WWOX: variants seen among roughly 807,000 people sequenced by gnomAD.
WWOX encodes the protein WW domain-containing oxidoreductase.
Under a neutral mutation model 46.2 loss-of-function variants are expected in WWOX, and 69 were observed. That is an observed-to-expected ratio of 1.49 (90% confidence interval 1.23 to 1.82). The LOEUF is 1.82. Among genes scored for constraint, WWOX ranks in the 40% most tolerant of loss-of-function variants. WWOX has a pLI of 0.00. For missense variants in WWOX, 919 were observed against 542.6 expected (o/e 1.69, Z -6.89); for synonymous variants, 359 against 202.6 (o/e 1.77, Z -6.56).
intron 8 of WWOX, among the ~76,000 whole-genome samples, chr16:78,617,887 C>T (rs181860199): frequency 3.0e-4 from 46 of 152,254 alleles, no homozygotes; most frequent in Non-Finnish European, 4.9e-4. Flanking sequence ...TCTATCTTTG[C>T]CTAGCATCTT....
intron 7 of WWOX, 148 bp downstream of exon 7, chr16:78,425,203 C>T (rs2151960203): frequency 1.9e-6 from 2 of 1,065,276 alleles, no homozygotes; most frequent in Admixed American, 2.1e-5. Flanking sequence ...TTTTCCAGGT[C>T]TTTTTTGTTC....
chr16:78,869,561 G>A (rs1555554008), intron 8 of WWOX, among the ~76,000 whole-genome samples: 1 of 152,188 alleles, frequency 6.6e-6, no homozygotes, highest in South Asian at 2.1e-4. Context: ...TGAAACAGCC[G>A]ATTGAAGTGC....
chr16:78,436,157 T>A (rs923275158), intron 8 of WWOX, among the ~76,000 whole-genome samples: 2 of 148,170 alleles, frequency 1.3e-5, no homozygotes, highest in Non-Finnish European at 1.5e-5. Context: ...ACTCTTGTCG[T>A]TGTGAGCAGT....
intron 8 of WWOX, among the ~76,000 whole-genome samples, chr16:78,875,912 A>G (rs2044225054): frequency 6.6e-6 from 1 of 152,148 alleles, no homozygotes; most frequent in Admixed American, 6.5e-5. Context: ...TTCTCCTGAT[A>G]CCATTTAGCC....
intron 8 of WWOX, among the ~76,000 whole-genome samples, chr16:78,774,407 A>C (rs1028210559): frequency 3.3e-5 from 5 of 152,168 alleles, no homozygotes; most frequent in African/African-American, 1.2e-4. Flanking sequence ...CTCAAAAAAA[A>C]AGAAAGAGTT....
intron 8 of WWOX, among the ~76,000 whole-genome samples, chr16:78,776,951 C>G (rs531568361): frequency 6.6e-6 from 1 of 152,132 alleles, no homozygotes; most frequent in Non-Finnish European, 1.5e-5. Flanking sequence ...TATTACAATT[C>G]GAGATGAGAT....
rs202225216 is a variant in WWOX at position 78,334,917 on chromosome 16, CT to C, written c.517-51936del. 4.1e-3 allele frequency among the ~76,000 whole-genome samples: 447 copies of C among 109,844 alleles called. 3 individuals carry two copies. Among genetic ancestry groups the C allele is most frequent in the African/African-American group, 0.016 (340 of 21,832 alleles). The allele number at this position is 109,844 out of a possible 152,430, so 72.1% of individuals were successfully genotyped here. A position where few individuals can be genotyped will look rare whatever the true frequency, so the allele number is the denominator to read the frequency against. On this transcript the variant is annotated intron_variant, in intron 5 of 8. Transcript: ENST00000566780. Reference sequence around the variant, plus strand: ...ATTAAACTCATTGAGGAGATACCATCTTTTTTTAAAAAAAAAAAAAAGGCAG... The same window carrying C: ...ATTAAACTCATTGAGGAGATACCATCTTTTTTAAAAAAAAAAAAAAGGCAG...
At chr16:78,504,676 A>G (rs775507819) in intron 8 of WWOX, among the ~76,000 whole-genome samples, 25 of 152,242 alleles carry the variant, frequency 1.6e-4, no homozygotes, top group Non-Finnish European at 2.6e-4. Flanking sequence ...ATCTCTGTGC[A>G]TCGGGGAGGA....
At chr16:78,291,143 T>C (rs2079850690) in intron 5 of WWOX, among the ~76,000 whole-genome samples, 1 of 152,224 alleles carries the variant, frequency 6.6e-6, no homozygotes, top group Non-Finnish European at 1.5e-5. Flanking sequence ...TTAATCTGAT[T>C]TCATCAAGTA....
At chr16:78,246,662 C>T (rs2037824444) in intron 5 of WWOX, among the ~76,000 whole-genome samples, 1 of 152,178 alleles carries the variant, frequency 6.6e-6, no homozygotes, top group Admixed American at 6.5e-5. Flanking sequence ...ATGGAAAAGG[C>T]TTTGCTTTTA....
intron 8 of WWOX, among the ~76,000 whole-genome samples, chr16:79,031,607 G>C (rs1373063370): frequency 6.6e-6 from 1 of 151,458 alleles, no homozygotes; most frequent in African/African-American, 2.4e-5. Flanking sequence ...CCTTTGTTTT[G>C]TCTTTATTTA....
At chr16:78,278,789 T>C (rs933609479) in intron 5 of WWOX, 1 of 815,758 alleles carries the variant, frequency 1.2e-6, no homozygotes, top group Admixed American at 2.6e-5. Flanking sequence ...TGCAACAACA[T>C]CTATTATATG....
chr16:78,916,791 G>C (rs1297777743), intron 8 of WWOX, among the ~76,000 whole-genome samples: 1 of 152,188 alleles, frequency 6.6e-6, no homozygotes, highest in Non-Finnish European at 1.5e-5. Context: ...CCCAGGGTCA[G>C]GAAAACTGTT....
intron 8 of WWOX, among the ~76,000 whole-genome samples, chr16:78,708,532 C>T (rs990303101): frequency 6.6e-6 from 1 of 152,142 alleles, no homozygotes; most frequent in East Asian, 1.9e-4. Context: ...TTTGCATACT[C>T]TGTTGCTTAT....
chr16:78,867,184 A>C (rs2044022293), intron 8 of WWOX, among the ~76,000 whole-genome samples: 2 of 152,192 alleles, frequency 1.3e-5, no homozygotes, highest in Non-Finnish European at 2.9e-5. Context: ...ACAAAACTGC[A>C]ACTCATCTTC....
chr16:78,106,822 T>C (rs1013106938), intron 1 of WWOX, among the ~76,000 whole-genome samples: 4 of 152,212 alleles, frequency 2.6e-5, no homozygotes, highest in African/African-American at 9.7e-5. Context: ...TTAATCGTTC[T>C]CCAAGCACTG....
intron 8 of WWOX, among the ~76,000 whole-genome samples, chr16:78,881,073 C>T (rs1005418521): frequency 6.7e-6 from 1 of 149,054 alleles, no homozygotes; most frequent in African/African-American, 2.5e-5. Flanking sequence ...CTCACTGCAA[C>T]CTTTGCCTCC....
intron 8 of WWOX, among the ~76,000 whole-genome samples, chr16:79,209,892 A>C (rs1352521833): frequency 6.6e-6 from 1 of 152,258 alleles, no homozygotes; most frequent in Admixed American, 6.5e-5. Flanking sequence ...TTTGGATGAC[A>C]TGAACTCATT....
chr16:79,019,306 C>T (rs1162006376), intron 8 of WWOX, among the ~76,000 whole-genome samples: 3 of 151,422 alleles, frequency 2.0e-5, no homozygotes, highest in Admixed American at 1.3e-4. Context: ...AGTGCACGTA[C>T]ACAAACCTAG....
Sources: gnomAD v4.1 joint callset for allele counts (sites outside exome capture counted in the v4.1 genomes callset) on GRCh38, gnomAD v4.1.1 for gene constraint, MANE v1.5 for transcripts, NCBI Gene and HGNC (gene_info 2026-07-23, HGNC 2026-07-21) for gene names.